Variants in SRPK2 observed in about 807,000 individuals in gnomAD.
The protein encoded by SRPK2 is SRSF protein kinase 2.
A neutral mutation model predicts 90.8 loss-of-function variants in SRPK2; 21 were observed. The ratio of observed to expected loss-of-function variants is 0.23; its 90% CI spans 0.16 to 0.33. The LOEUF is 0.33. SRPK2 is among the 10% of genes least tolerant of loss of function. The pLI is 1.00. For missense variants in SRPK2, 620 were observed against 869.0 expected (o/e 0.71, Z 3.60); for synonymous variants, 288 against 311.1 (o/e 0.93, Z 0.78).
chr7:105,248,874 C>T (rs1417135859), intron 2 of SRPK2, among the ~76,000 whole-genome samples: 1 of 149,536 alleles, frequency 6.7e-6, no homozygotes, highest in Non-Finnish European at 1.5e-5. Flanking sequence ...TGCAATGAGC[C>T]GAGATCGTGC....
At chr7:105,349,003 G>A (rs938035441) in intron 2 of SRPK2, among the ~76,000 whole-genome samples, 21 of 151,138 alleles carry the variant, frequency 1.4e-4, no homozygotes, top group African/African-American at 2.2e-4. Context: ...AAAATTAGCC[G>A]GGCGTGGTGG....
At chr7:105,187,202 G>A (rs1352984960) in intron 3 of SRPK2, among the ~76,000 whole-genome samples, 2 of 152,142 alleles carry the variant, frequency 1.3e-5, no homozygotes, top group South Asian at 4.1e-4. Context: ...CCTCCTCCTC[G>A]GTTCTGCAGG....
At chr7:105,126,154 G>A in intron 15 of SRPK2, 94 bp downstream of exon 15, 1 of 1,081,248 alleles carries the variant, frequency 9.2e-7, no homozygotes, top group Non-Finnish European at 1.4e-6. Context: ...TCGAATTTAG[G>A]AGAAATGCCT....
upstream of SRPK2, among the ~76,000 whole-genome samples, chr7:105,391,389 G>T (rs1262622564): frequency 6.6e-6 from 1 of 152,110 alleles, no homozygotes; most frequent in African/African-American, 2.4e-5. Flanking sequence ...ATTTTTAGTA[G>T]ATCTGGGGTT....
chr7:105,232,446 C>T (rs57423264), intron 2 of SRPK2, among the ~76,000 whole-genome samples: 61,267 of 129,328 alleles, frequency 0.47, 14,640 homozygotes, highest in South Asian at 0.56. Context: ...GCAACAAGAG[C>T]GAAACCTTAT....
intron 2 of SRPK2, among the ~76,000 whole-genome samples, chr7:105,380,040 G>C (rs2132633792): frequency 6.6e-6 from 1 of 152,334 alleles, no homozygotes; most frequent in East Asian, 1.9e-4. Context: ...TACTTGGGAG[G>C]CTTAGGTGGG....
At chr7:105,392,305 T>G (rs1822201050), upstream of SRPK2, among the ~76,000 whole-genome samples, 1 of 152,212 alleles carries the variant, frequency 6.6e-6, no homozygotes, top group Admixed American at 6.6e-5. Flanking sequence ...GCTAATAGAC[T>G]AAAAGCCACT....
chr7:105,216,372 A>G (rs1797464878), intron 2 of SRPK2, among the ~76,000 whole-genome samples: 1 of 152,172 alleles, frequency 6.6e-6, no homozygotes, highest in Admixed American at 6.5e-5. Flanking sequence ...AAAGGAACTC[A>G]GTGACTGGTG....
At chr7:105,241,688 C>G (rs761591296) in intron 2 of SRPK2, among the ~76,000 whole-genome samples, 3 of 152,132 alleles carry the variant, frequency 2.0e-5, no homozygotes, top group Admixed American at 6.5e-5. Flanking sequence ...TCTATCATCA[C>G]GCAACAATCT....
chr7:105,198,233 G>A (rs987301324), intron 3 of SRPK2, among the ~76,000 whole-genome samples: 2 of 152,032 alleles, frequency 1.3e-5, no homozygotes, highest in African/African-American at 4.8e-5. Flanking sequence ...TCCAATTCAG[G>A]GGTTTACAGT....
chr7:105,163,888 C>T (rs1195363127), intron 6 of SRPK2, among the ~76,000 whole-genome samples: 2 of 152,146 alleles, frequency 1.3e-5, no homozygotes, highest in African/African-American at 4.8e-5. Flanking sequence ...ACAGACTTCA[C>T]GACTGGTTCA....
At chr7:105,360,252 T>C (rs1327985379) in intron 2 of SRPK2, among the ~76,000 whole-genome samples, 1 of 152,164 alleles carries the variant, frequency 6.6e-6, no homozygotes, top group Non-Finnish European at 1.5e-5. Flanking sequence ...CCTCCATCCC[T>C]TTATTTTGAG....
chr7:105,392,505 A>C (rs1265704281), upstream of SRPK2, among the ~76,000 whole-genome samples: 1 of 152,198 alleles, frequency 6.6e-6, no homozygotes, highest in Non-Finnish European at 1.5e-5. Context: ...GTTGTAGAAC[A>C]GTGATTTTAT....
intron 2 of SRPK2, among the ~76,000 whole-genome samples, chr7:105,283,801 G>A (rs780045388): frequency 3.0e-4 from 46 of 152,056 alleles, no homozygotes; most frequent in Non-Finnish European, 6.0e-4. Flanking sequence ...GACCAGCCTA[G>A]GTAACATGGT....
chr7:105,155,529 G>C (rs976237149), intron 7 of SRPK2, among the ~76,000 whole-genome samples: 7 of 152,170 alleles, frequency 4.6e-5, no homozygotes, highest in African/African-American at 1.7e-4. Context: ...CCACAATCAG[G>C]GATGGTGACA....
chr7:105,145,469 G>A (rs934180694), intron 8 of SRPK2, among the ~76,000 whole-genome samples, 161 bp from the exon 9 acceptor site: 10 of 152,282 alleles, frequency 6.6e-5, no homozygotes, highest in African/African-American at 2.4e-4. Flanking sequence ...TCTAGAGTAA[G>A]TTTATGCCAC....
At chr7:105,266,212 G>A (rs773145786) in intron 2 of SRPK2, among the ~76,000 whole-genome samples, 20 of 151,958 alleles carry the variant, frequency 1.3e-4, no homozygotes, top group Admixed American at 3.3e-4. Context: ...ATTTTTCAGT[G>A]AAGGACTCTT....
intron 2 of SRPK2, among the ~76,000 whole-genome samples, chr7:105,281,097 T>C (rs1281676212): frequency 6.6e-6 from 1 of 151,932 alleles, no homozygotes; most frequent in African/African-American, 2.4e-5. Context: ...TTGTTTGGTT[T>C]TTCCCCCGCT....
intron 11 of SRPK2, among the ~76,000 whole-genome samples, chr7:105,141,601 C>G (rs1803784734): frequency 6.6e-6 from 1 of 152,032 alleles, no homozygotes; most frequent in Admixed American, 6.6e-5. Context: ...TCAATAGAGT[C>G]AAAGAGGAGG....
Sources: gnomAD v4.1 joint callset for allele counts (sites outside exome capture counted in the v4.1 genomes callset) on GRCh38, gnomAD v4.1.1 for gene constraint, MANE v1.5 for transcripts, NCBI Gene and HGNC (gene_info 2026-07-23, HGNC 2026-07-21) for gene names.